ELOA: variants seen among roughly 807,000 people sequenced by gnomAD.
ELOA encodes the protein elongin A.
A neutral mutation model predicts 85.2 loss-of-function variants in ELOA; 15 were observed. The observed-to-expected ratio is 0.18, with a 90% CI of 0.12 to 0.27. The LOEUF (loss-of-function observed/expected upper bound fraction) is 0.27. Ranked by LOEUF, ELOA falls within the 10% of genes least tolerant of loss-of-function variation. The probability of loss-of-function intolerance (pLI) is 1.00; values close to 1 mark genes in which losing one functional copy is unlikely to be tolerated. For missense variants in ELOA, 769 were observed against 952.7 expected (o/e 0.81, Z 2.54); for synonymous variants, 348 against 357.2 (o/e 0.97, Z 0.29).
rs1282152459 is a variant in ELOA at position 23,751,670 on chromosome 1, A to T, written c.1065A>T (p.Gly355=). Residue 355 remains glycine (G), a synonymous_variant, in exon 4 of 11, where the codon GGA becomes GGT. Transcript: ENST00000613537. ...LDSFDTGKGA[G]DLLPKVKEKG... ...GCTTTGACACAGGAAAAGGAGCAGG[A>T]GACCTGTTGCCCAAGGTAAAAGAGA... is the stretch of plus-strand genomic sequence containing the variant. 1.2e-6 allele frequency: 2 copies of T among 1,614,118 alleles called. No homozygotes were observed. The highest frequency in any genetic ancestry group is 8.5e-7 in the Non-Finnish European group (1 of 1,180,058).
At position 23,751,162 on chromosome 1, in the gene ELOA, C is replaced by G; in HGVS notation, c.557C>G (p.Pro186Arg). Residue 186 changes from proline (P) to arginine (R), a missense_variant, in exon 4 of 11, where the codon CCT becomes CGT. Physicochemically the swap from Pro to Arg is moderately radical, Grantham distance 103. Transcript: ENST00000613537. ...CAATCCCCTCCATCTTGTACCAGTC[C>G]TCATCAGATGTACGTCGACCACTAC... is the stretch of plus-strand genomic sequence containing the variant. ...HVQSPPSCTSPHQMYVDHYRS... is the reference protein window; with the variant it reads ...HVQSPPSCTSRHQMYVDHYRS... The G allele has an allele frequency of 6.2e-7, 1 of 1,614,146 alleles. No individual in the cohort carries two copies. Among genetic ancestry groups the G allele is most frequent in the Non-Finnish European group, 8.5e-7 (1 of 1,180,040 alleles).
intron 5 of ELOA, among the ~76,000 whole-genome samples, chr1:23,753,023 G>C (rs1020634898): frequency 1.3e-5 from 2 of 152,286 alleles, no homozygotes; most frequent in Non-Finnish European, 1.5e-5. Context: ...GCCAGGCATG[G>C]TGGCACATCC....
chr1:23,758,573 G>A (rs10917423), intron 10 of ELOA, among the ~76,000 whole-genome samples: 21,380 of 147,914 alleles, frequency 0.14, 2,071 homozygotes, highest in Non-Finnish European at 0.21. Context: ...ATGCCTGGCC[G>A]GGTCTTCCAA....
Position 23,756,995 on chromosome 1 carries a change from C to T in ELOA, c.2127C>T (p.Ser709=), listed in dbSNP as rs80088758. 4.5e-4 allele frequency: 725 copies of T among 1,595,646 alleles called. 8 individuals are homozygous for T. In the African/African-American group the frequency reaches 8.8e-3, roughly 19 times the overall value. The stretch of plus-strand genomic sequence containing the variant: ...ACCCCATGGGAAGCAGCCATGCTTC[C>T]GCCAGTAGCATCAGCTTTAACCCCA... ...APYPMGSSHA[S]ASSISFNPSP... The change falls in exon 10 of 11, where the codon TCC becomes TCT. Residue 709 remains serine (S), a synonymous_variant. Coordinates refer to ENST00000613537, the MANE Select transcript of ELOA (RefSeq NM_003198.3).
At chr1:23,745,854 A>AT (rs1414836388) in intron 1 of ELOA, among the ~76,000 whole-genome samples, 15 of 152,132 alleles carry the variant, frequency 9.9e-5, no homozygotes, top group African/African-American at 3.6e-4. Context: ...GTGTTCATGG[A>AT]TTTTTTGGTA....
At chr1:23,754,584 T>G in intron 7 of ELOA, 124 bp downstream of exon 7, 1 of 789,766 alleles carries the variant, frequency 1.3e-6, no homozygotes, top group South Asian at 1.7e-5. Flanking sequence ...GTTCTGGATA[T>G]ATTTGGTTTG....
intron 7 of ELOA, 119 bp downstream of exon 7, chr1:23,754,579 G>A: frequency 1.2e-6 from 1 of 803,334 alleles, no homozygotes. Flanking sequence ...GCATTGTTCT[G>A]GATATATTTG....
chr1:23,746,651 C>T (rs1303434943), intron 1 of ELOA, among the ~76,000 whole-genome samples: 1 of 144,790 alleles, frequency 6.9e-6, no homozygotes, highest in African/African-American at 2.5e-5. Flanking sequence ...TCCTGTGTTA[C>T]ATTTTCACTG....
intron 1 of ELOA, among the ~76,000 whole-genome samples, chr1:23,744,514 C>G (rs1419797332): frequency 6.7e-6 from 1 of 149,206 alleles, no homozygotes; most frequent in African/African-American, 2.5e-5. Flanking sequence ...AGTACAGTGG[C>G]GCGATCTCGG....
In ELOA at chr1:23,759,690, C is replaced by A; in HGVS notation, c.*117C>A. On this transcript the variant is annotated 3_prime_UTR_variant, in exon 11 of 11. Coordinates refer to ENST00000613537, the MANE Select transcript of ELOA (RefSeq NM_003198.3). ...CTTGCTTTGTGGATCCTTTTGGTCT[C>A]CGAGTCCTGCAGTCTGCAGGTGCTG... is the stretch of plus-strand genomic sequence containing the variant. 8.1e-7 allele frequency: 1 copy of A among 1,227,458 alleles called. No individual in the cohort carries two copies. The allele number at this position is 1,227,458 out of a possible 1,614,324, so 76.0% of individuals were successfully genotyped here.
chr1:23,746,608 CAAAAA>C (rs55782205), intron 1 of ELOA, among the ~76,000 whole-genome samples: 5 of 68,438 alleles, frequency 7.3e-5, no homozygotes, highest in African/African-American at 1.7e-4. Flanking sequence ...ACTCCATCTC[CAAAAA>C]AAAAAAAAAA....
At chr1:23,752,100 C>A in intron 4 of ELOA, 70 bp downstream of exon 4, 1 of 1,443,458 alleles carries the variant, frequency 6.9e-7, no homozygotes, top group Non-Finnish European at 9.3e-7. Context: ...GAGGATTGCC[C>A]TGCCACTGTT....
rs1452947533 is a variant in ELOA at position 23,760,697 on chromosome 1, A to T, written c.*1124A>T. 6.6e-6 allele frequency: 1 copy of T among 152,198 alleles called. No individual in the cohort carries two copies. Among genetic ancestry groups the T allele is most frequent in the Non-Finnish European group, 1.5e-5 (1 of 68,076 alleles). 9.4% of individuals were successfully genotyped at this position (152,198 alleles called of 1,614,324 possible). ...GCTTGGGAAGAGGACTTTGCTGCTG[A>T]AGTGTTTTCTACCTTCTGAGTGTGT... On this transcript the variant is annotated 3_prime_UTR_variant, in exon 11 of 11. Transcript: ENST00000613537.
Position 23,748,970 on chromosome 1 carries a change from T to C in ELOA, c.76-51T>C, listed in dbSNP as rs370847258. The C allele has an allele frequency of 5.4e-4, 790 of 1,468,120 alleles. 4 individuals are homozygous for C. In the Middle Eastern group the frequency reaches 5.9e-3, roughly 11 times the overall value. 90.9% of individuals were successfully genotyped at this position (1,468,120 alleles called of 1,614,324 possible). A position where few individuals can be genotyped will look rare whatever the true frequency, so the allele number is the denominator to read the frequency against. On this transcript the variant is annotated intron_variant, in intron 1 of 10. Coordinates refer to ENST00000613537, the MANE Select transcript of ELOA (RefSeq NM_003198.3). The stretch of plus-strand genomic sequence containing the variant: ...GCACTAAGCACTTAATAATCAGATA[T>C]TCTTGTTAAAGTGAATTTGACTATT...
chr1:23,745,930 G>A (rs1036619886), intron 1 of ELOA, among the ~76,000 whole-genome samples: 10 of 152,124 alleles, frequency 6.6e-5, no homozygotes, highest in African/African-American at 2.4e-4. Flanking sequence ...AAGGGAGAAG[G>A]TATCAGCAGC....
chr1:23,746,672 CA>C (rs1233973303), intron 1 of ELOA, among the ~76,000 whole-genome samples: 1 of 149,718 alleles, frequency 6.7e-6, no homozygotes, highest in East Asian at 2.0e-4. Flanking sequence ...TGAAAGCTAC[CA>C]AGAACATTTT....
chr1:23,755,810 T>C (rs759100960), intron 7 of ELOA, 33 bp from the exon 8 acceptor site: 1 of 1,553,886 alleles, frequency 6.4e-7, no homozygotes. Flanking sequence ...GAAAAGTGCT[T>C]GTACACAAAT....
intron 10 of ELOA, 148 bp from the exon 11 acceptor site, chr1:23,759,364 A>G (rs1183517387): frequency 1.8e-5 from 13 of 735,638 alleles, no homozygotes; most frequent in Non-Finnish European, 2.8e-5. Flanking sequence ...CTTTTATTGC[A>G]TTGTGAACAG....
Position 23,750,979 on chromosome 1 carries a change from G to A in ELOA, c.374G>A (p.Ser125Asn), listed in dbSNP as rs201208839. 157 of 1,614,050 alleles carry A rather than the reference G, an allele frequency of 9.7e-5. 1 individual carries two copies. The East Asian group carries it at 2.4e-3, about 25-fold the overall frequency. Reference sequence around the variant, plus strand: ...AAAGCCACGGGGAGCCGATCCTATAGCCCTGACCACAGGCAGAAGAAACAT... The same window carrying A: ...AAAGCCACGGGGAGCCGATCCTATAACCCTGACCACAGGCAGAAGAAACAT... ...TWKATGSRSY[S>N]PDHRQKKHRK... The change falls in exon 4 of 11, where the codon AGC becomes AAC. Residue 125 changes from serine to asparagine, a missense_variant. Around this residue, in one of 4 missense-constraint regions of ELOA, gnomAD observed 440 missense variants for 474.0 expected, o/e 0.93. Coordinates refer to ENST00000613537, the MANE Select transcript of ELOA (RefSeq NM_003198.3).
Sources: allele counts gnomAD v4.1 joint callset (sites outside exome capture counted in the v4.1 genomes callset), GRCh38; gene constraint gnomAD v4.1.1; regional missense constraint gnomAD v4.1.1; transcripts MANE v1.5; gene names NCBI Gene and HGNC (gene_info 2026-07-23, HGNC 2026-07-21).